Variants in SMG1 observed in about 807,000 individuals in gnomAD.
SMG1 encodes the protein serine/threonine-protein kinase SMG1.
SMG1 carries 22 observed loss-of-function variants against 419.9 expected under a neutral mutation model. The ratio of observed to expected loss-of-function variants is 0.05; its 90% confidence interval spans 0.04 to 0.07. The LOEUF is 0.07. Ranked by LOEUF, SMG1 falls within the 10% of genes least tolerant of loss-of-function variation. The pLI is 1.00. For synonymous variants in SMG1, 1,538 were observed against 1,553.5 expected (o/e 0.99, Z 0.23); for missense variants, 3,185 against 4,342.0 (o/e 0.73, Z 7.49).
chr16:18,839,566 C>T (rs1365693778), intron 42 of SMG1, 132 bp downstream of exon 42: 3 of 1,205,540 alleles, frequency 2.5e-6, no homozygotes, highest in Admixed American at 2.1e-5. Context: ...ATATTAAACT[C>T]AAATATACGT....
chr16:18,850,974 CA>C (rs2034558767), intron 33 of SMG1, among the ~76,000 whole-genome samples: 1 of 152,144 alleles, frequency 6.6e-6, no homozygotes, highest in Non-Finnish European at 1.5e-5. Context: ...AGGCTTGTCT[CA>C]AACTCCTGAC....
intron 1 of SMG1, among the ~76,000 whole-genome samples, chr16:18,920,985 A>T (rs192928916): frequency 6.6e-6 from 1 of 152,148 alleles, no homozygotes; most frequent in African/African-American, 2.4e-5. Context: ...TAAAAACACA[A>T]AAATTAGCCG....
In SMG1 at chr16:18,846,094, A is replaced by G. The variant is rs375991597; in HGVS notation, c.5997-443T>C. Among the ~76,000 whole-genome samples, 5 of 152,138 alleles carry G rather than the reference A, an allele frequency of 3.3e-5. No individual in the cohort carries two copies. The East Asian group carries it at 7.7e-4, about 23-fold the overall frequency. ...CTCCCAAAGTGCCAGAATTACAGGT[A>G]TGAGTCACCGTGTCCAGCCAAGAAT... On this transcript the variant is annotated intron_variant, in intron 38 of 62. Transcript: ENST00000446231.
chr16:18,918,923 C>T (rs561934327), intron 1 of SMG1, among the ~76,000 whole-genome samples: 2 of 152,294 alleles, frequency 1.3e-5, no homozygotes, highest in African/African-American at 4.8e-5. Flanking sequence ...GGAAGGTATA[C>T]TGAGAATTGT....
intron 1 of SMG1, among the ~76,000 whole-genome samples, chr16:18,899,694 C>A (rs2037272561): frequency 6.6e-6 from 1 of 152,056 alleles, no homozygotes; most frequent in African/African-American, 2.4e-5. Flanking sequence ...AAAATAGAAA[C>A]TGCAGATTTG....
At chr16:18,905,856 G>A (rs957850529) in intron 1 of SMG1, among the ~76,000 whole-genome samples, 1 of 151,908 alleles carries the variant, frequency 6.6e-6, no homozygotes, top group African/African-American at 2.4e-5. Flanking sequence ...AAGGGATCCA[G>A]CCGCCTCGGC....
chr16:18,812,859 C>T (rs1031743506), intron 60 of SMG1, among the ~76,000 whole-genome samples: 2 of 152,104 alleles, frequency 1.3e-5, no homozygotes, highest in African/African-American at 4.8e-5. Flanking sequence ...GAGATGTTCC[C>T]CTTCCTGTGT....
chr16:18,854,921 G>GT lies in SMG1; in HGVS notation c.4235-18dup. 6.2e-7 allele frequency: 1 copy of GT among 1,604,468 alleles called. No homozygotes were observed. ...CTGTTTGTTCTGAAGAGAGGAAAAC[G>GT]TTTTATTAGTTCCTAATTTGTCTAA... On this transcript the variant is annotated splice_polypyrimidine_tract_variant and intron_variant, in intron 29 of 62. Coordinates refer to ENST00000446231, the MANE Select transcript of SMG1 (RefSeq NM_015092.5).
chr16:18,837,124 C>T (rs2033627163), intron 46 of SMG1, 129 bp downstream of exon 46: 1 of 824,868 alleles, frequency 1.2e-6, no homozygotes, highest in Non-Finnish European at 1.8e-6. Context: ...TTTGAAGTTG[C>T]AGTCACTGAG....
intron 1 of SMG1, chr16:18,899,853 T>A (rs2037277612): frequency 1.6e-6 from 1 of 640,584 alleles, no homozygotes; most frequent in Non-Finnish European, 2.8e-6. Flanking sequence ...AAAATACCTC[T>A]ACAGCCCCTT....
chr16:18,877,702 T>C (rs932886892), intron 11 of SMG1: 8 of 153,222 alleles, frequency 5.2e-5, no homozygotes, highest in African/African-American at 9.6e-5. Flanking sequence ...TGGGAACTCA[T>C]TGTTTTCTGC....
In SMG1 at chr16:18,921,632, T is replaced by C. The variant is rs543568893; in HGVS notation, c.92+4318A>G. 2.0e-5 allele frequency among the ~76,000 whole-genome samples: 3 copies of C among 152,254 alleles called. No homozygotes were observed. The East Asian group carries it at 5.8e-4, about 29-fold the overall frequency. On this transcript the variant is annotated intron_variant, in intron 1 of 62. Coordinates refer to ENST00000446231, the MANE Select transcript of SMG1 (RefSeq NM_015092.5). Reference sequence around the variant, plus strand: ...TACTTTTGCACCCACCTAATAGGTATAAAATATGTAACTTCACTTAATTTT... The same window carrying C: ...TACTTTTGCACCCACCTAATAGGTACAAAATATGTAACTTCACTTAATTTT...
chr16:18,879,402 A>G (rs892755894), intron 11 of SMG1, 93 bp downstream of exon 11: 9 of 1,278,488 alleles, frequency 7.0e-6, no homozygotes, highest in South Asian at 6.4e-5. Flanking sequence ...AGCATGAGCC[A>G]CCATGCCCAG....
rs74958038 is a variant in SMG1, at chr16:18,846,831, C to T, written c.5996+622G>A. On this transcript the variant is annotated intron_variant, in intron 38 of 62. Transcript: ENST00000446231. Reference sequence around the variant, plus strand: ...TTTGTTGGCTCCTCAGTAAGTCAGACGTAGAATTGCCATATTGCCATACGA... The same window carrying T: ...TTTGTTGGCTCCTCAGTAAGTCAGATGTAGAATTGCCATATTGCCATACGA... Among the ~76,000 whole-genome samples the T allele has an allele frequency of 8.1e-3, 1,239 of 152,234 alleles. 21 individuals carry two copies. The highest frequency in any genetic ancestry group is 0.028 in the African/African-American group (1,173 of 41,532).
intron 55 of SMG1, among the ~76,000 whole-genome samples, chr16:18,827,363 T>G (rs1266635557): frequency 2.0e-5 from 3 of 148,740 alleles, no homozygotes; most frequent in African/African-American, 7.5e-5. Context: ...GAGGCAGAGG[T>G]TGCAGTGAGG....
At chr16:18,874,560 TAA>T (rs531685275) in intron 13 of SMG1, among the ~76,000 whole-genome samples, 2,480 of 110,646 alleles carry the variant, frequency 0.022, 79 homozygotes, top group African/African-American at 0.075. Context: ...TCGAATTACT[TAA>T]AAAAAAAAAA....
Position 18,832,078 on chromosome 16 carries a change from C to T in SMG1, c.8792+862G>A, listed in dbSNP as rs977966066. ...CAGACTAGCCCAGTGCAGATAATTA[C>T]CAAAGGTGGTGGCAGGGGGTTCATT... On this transcript the variant is annotated intron_variant, in intron 51 of 62. Coordinates refer to ENST00000446231, the MANE Select transcript of SMG1 (RefSeq NM_015092.5). Among the ~76,000 whole-genome samples, 18 of 152,018 alleles carry T rather than the reference C, an allele frequency of 1.2e-4. 1 individual carries two copies. The highest frequency in any genetic ancestry group is 1.5e-5 in the Non-Finnish European group (1 of 68,006).
In SMG1 at chr16:18,885,096, C is replaced by A; in HGVS notation, c.1015G>T (p.Val339Leu). 1 of 815,346 alleles carries A rather than the reference C, an allele frequency of 1.2e-6. No individual in the cohort carries two copies. The highest frequency in any genetic ancestry group is 2.0e-6 in the Non-Finnish European group (1 of 499,506). 50.5% of individuals were successfully genotyped at this position (815,346 alleles called of 1,614,324 possible). A position where few individuals can be genotyped will look rare whatever the true frequency, so the allele number is the denominator to read the frequency against. Residue 339 changes from valine (V) to leucine (L), a missense_variant, in exon 8 of 63, where the codon GTA becomes TTA. Physicochemically the swap from Val to Leu is conservative, Grantham distance 32. This residue lies in a region of SMG1 where 27 missense variants were observed against 59.4 expected (regional missense o/e 0.45). Transcript: ENST00000446231. ...TATAGGCTGCAAGACTTACCAGATACCTGCTGCGTGAGCGAAGGTTTCTGA... is the reference window on the plus strand; with the variant it reads ...TATAGGCTGCAAGACTTACCAGATAACTGCTGCGTGAGCGAAGGTTTCTGA... ...HTQKPSLTQQ[V>L]SGWLQSLEPF...
intron 54 of SMG1, 45 bp downstream of exon 54, chr16:18,829,241 G>C: frequency 2.0e-6 from 3 of 1,486,292 alleles, no homozygotes; most frequent in Non-Finnish European, 2.7e-6. Context: ...CATTTTTCAA[G>C]TTTCCTACCT....
Sources: allele counts gnomAD v4.1 joint callset (sites outside exome capture counted in the v4.1 genomes callset), GRCh38; gene constraint gnomAD v4.1.1; regional missense constraint gnomAD v4.1.1; transcripts MANE v1.5; gene names NCBI Gene and HGNC (gene_info 2026-07-23, HGNC 2026-07-21).